Variants in LINGO2 observed in about 807,000 individuals in gnomAD.
The protein encoded by LINGO2 is leucine rich repeat and Ig domain containing 2.
In LINGO2, 14 loss-of-function variants were observed where a neutral mutation model predicts 30.6. The observed-to-expected ratio is 0.46, with a 90% confidence interval of 0.30 to 0.72. LINGO2 has a LOEUF of 0.72. Among genes scored for constraint, LINGO2 ranks in the 30% least tolerant of loss-of-function variants. LINGO2 has a pLI of 0.07. For synonymous variants in LINGO2, 317 were observed against 288.5 expected, an observed-to-expected ratio of 1.10 and a Z score of -1.00; for missense variants, 729 against 751.7, an observed-to-expected ratio of 0.97 and a Z score of 0.35.
At chr9:28,216,472 T>C (rs1431041167) in intron 4 of LINGO2, among the ~76,000 whole-genome samples, 1 of 151,938 alleles carries the variant, frequency 6.6e-6, no homozygotes, top group Non-Finnish European at 1.5e-5. Context: ...TATATCCATC[T>C]CTACAGAAAG....
At chr9:29,186,269 T>C in the LINGO2 span, among the ~76,000 whole-genome samples, 2 of 152,164 alleles carry the variant, frequency 1.3e-5, no homozygotes, top group African/African-American at 4.8e-5. Context: ...TCTATAACTC[T>C]GCTTTTTCTT....
intron 3 of LINGO2, among the ~76,000 whole-genome samples, chr9:28,297,681 T>C (rs1823973554): frequency 1.3e-5 from 2 of 152,334 alleles, no homozygotes; most frequent in Admixed American, 6.5e-5. Flanking sequence ...TAGCTAATGC[T>C]TGTGAGGTTG....
chr9:28,542,421 C>T (rs1045523384), intron 1 of LINGO2, among the ~76,000 whole-genome samples: 1 of 151,932 alleles, frequency 6.6e-6, no homozygotes, highest in African/African-American at 2.4e-5. Context: ...GGCTCTTGTG[C>T]CAGGTAAGAG....
chr9:28,858,884 G>A, the LINGO2 span, among the ~76,000 whole-genome samples: 3 of 152,166 alleles, frequency 2.0e-5, no homozygotes, highest in African/African-American at 4.8e-5. Context: ...CGTAGCTCTT[G>A]TGATTTTATT....
At chr9:29,084,945 T>C in the LINGO2 span, among the ~76,000 whole-genome samples, 1 of 151,960 alleles carries the variant, frequency 6.6e-6, no homozygotes, top group Non-Finnish European at 1.5e-5. Flanking sequence ...AATAACTCGA[T>C]AGAAAGAGCT....
the LINGO2 span, among the ~76,000 whole-genome samples, chr9:29,082,459 C>A: frequency 6.6e-6 from 1 of 152,054 alleles, no homozygotes; most frequent in Admixed American, 6.6e-5. Flanking sequence ...AAACGTTAGA[C>A]CAAAAACCAT....
At chr9:28,639,332 A>G (rs1224160733) in intron 1 of LINGO2, among the ~76,000 whole-genome samples, 1 of 152,180 alleles carries the variant, frequency 6.6e-6, no homozygotes, top group Non-Finnish European at 1.5e-5. Flanking sequence ...GATGTCTATT[A>G]GGTGCGCTTG....
chr9:27,970,132 G>A (rs1820284796), intron 5 of LINGO2, among the ~76,000 whole-genome samples: 1 of 152,196 alleles, frequency 6.6e-6, no homozygotes, highest in Admixed American at 6.6e-5. Flanking sequence ...TACAAGTAGA[G>A]TGACCATAGA....
At chr9:29,078,062 C>T in the LINGO2 span, among the ~76,000 whole-genome samples, 1 of 151,930 alleles carries the variant, frequency 6.6e-6, no homozygotes, top group Non-Finnish European at 1.5e-5. Flanking sequence ...AGTCTTTCTT[C>T]AGCAGTAAGC....
chr9:28,785,274 T>C, the LINGO2 span, among the ~76,000 whole-genome samples: 2 of 152,118 alleles, frequency 1.3e-5, no homozygotes, highest in South Asian at 4.1e-4. Flanking sequence ...ATAAACTCAA[T>C]GACATCAAGG....
At chr9:28,558,566 G>T (rs1168443574) in intron 1 of LINGO2, among the ~76,000 whole-genome samples, 1 of 152,028 alleles carries the variant, frequency 6.6e-6, no homozygotes, top group East Asian at 1.9e-4. Flanking sequence ...AAGCAACACA[G>T]AAGTCTAACT....
chr9:28,634,603 A>G (rs368255331), intron 1 of LINGO2, among the ~76,000 whole-genome samples: 2 of 149,690 alleles, frequency 1.3e-5, no homozygotes, highest in African/African-American at 4.9e-5. Context: ...CTCGTGCCTC[A>G]GCCTCCCGAG....
chr9:29,072,611 TGATA>T, the LINGO2 span, among the ~76,000 whole-genome samples: 1 of 140,284 alleles, frequency 7.1e-6, no homozygotes, highest in Non-Finnish European at 1.6e-5. Context: ...TGTCTCTCTT[TGATA>T]TATATATATA....
At chr9:28,298,648 A>C (rs1040291251) in intron 3 of LINGO2, among the ~76,000 whole-genome samples, 2 of 150,848 alleles carry the variant, frequency 1.3e-5, no homozygotes, top group Admixed American at 6.7e-5. Flanking sequence ...GTGCCATTGC[A>C]CTCCAGCCTG....
the LINGO2 span, among the ~76,000 whole-genome samples, chr9:29,076,115 T>C: frequency 6.6e-6 from 1 of 151,930 alleles, no homozygotes; most frequent in African/African-American, 2.4e-5. Context: ...TGGCCTCAAG[T>C]GGTCATCCCG....
chr9:28,347,433 TACAC>T (rs3065610), intron 3 of LINGO2, among the ~76,000 whole-genome samples: 38 of 151,468 alleles, frequency 2.5e-4, no homozygotes, highest in African/African-American at 8.2e-4. Flanking sequence ...CAGAGAGTGA[TACAC>T]ACACACACAC....
intron 1 of LINGO2, among the ~76,000 whole-genome samples, chr9:28,596,138 C>T (rs2135725698): frequency 6.6e-6 from 1 of 152,220 alleles, no homozygotes; most frequent in Admixed American, 6.5e-5. Flanking sequence ...GATATTATAA[C>T]TATTTTTTTG....
rs528789632 is a variant in LINGO2, at chr9:28,383,508, G to A, written c.-278-10640C>T. Among the ~76,000 whole-genome samples, 10 of 152,048 alleles carry A rather than the reference G, an allele frequency of 6.6e-5. No individual in the cohort carries two copies. The East Asian group carries it at 1.7e-3, about 27-fold the overall frequency. ...TGAGGCAGCAGTTTCTAGAGAGTGG[G>A]CAGTCAAACTCCTCAGGGGATCTCT... On this transcript the variant is annotated intron_variant, in intron 2 of 5. Transcript: ENST00000379992.
the LINGO2 span, among the ~76,000 whole-genome samples, chr9:28,996,659 G>C: frequency 1.3e-5 from 2 of 152,122 alleles, no homozygotes; most frequent in East Asian, 1.9e-4. Context: ...TTAGATGTTT[G>C]TTAAAGTATT....
Sources: gnomAD v4.1 joint callset for allele counts (sites outside exome capture counted in the v4.1 genomes callset) on GRCh38, gnomAD v4.1.1 for gene constraint, MANE v1.5 for transcripts, NCBI Gene and HGNC (gene_info 2026-07-23, HGNC 2026-07-21) for gene names.